Variants in GRIN2A observed in about 807,000 individuals in gnomAD.
GRIN2A encodes the protein glutamate receptor ionotropic, NMDA 2A.
Under a neutral mutation model 113.4 loss-of-function variants are expected in GRIN2A, and 22 were observed. That is an observed-to-expected ratio of 0.19 (90% CI 0.14 to 0.28). GRIN2A has a LOEUF of 0.28. Among genes scored for constraint, GRIN2A ranks in the 10% least tolerant of loss-of-function variants. The pLI, the probability that GRIN2A is intolerant of heterozygous loss-of-function variation, is 1.00. For missense variants in GRIN2A, 1,502 were observed against 1,887.0 expected (o/e 0.80, Z 3.78); for synonymous variants, 827 against 738.4 (o/e 1.12, Z -1.94).
intron 2 of GRIN2A, among the ~76,000 whole-genome samples, chr16:9,986,328 A>G (rs17569693): frequency 0.084 from 12,821 of 152,310 alleles, 635 homozygotes; most frequent in Non-Finnish European, 0.1. Context: ...CAAGCCAATC[A>G]TAAAAATATT....
At chr16:10,034,589 A>ACTT (rs2141936862) in intron 2 of GRIN2A, among the ~76,000 whole-genome samples, 1 of 147,510 alleles carries the variant, frequency 6.8e-6, no homozygotes, top group South Asian at 2.2e-4. Flanking sequence ...ATGGAGCCAC[A>ACTT]CTTTGAGAAG....
intron 2 of GRIN2A, among the ~76,000 whole-genome samples, chr16:10,072,145 T>C (rs2047765007): frequency 6.6e-6 from 1 of 152,184 alleles, no homozygotes; most frequent in Admixed American, 6.5e-5. Flanking sequence ...TCTTTCACCA[T>C]CGTGAGAGTG....
intron 2 of GRIN2A, among the ~76,000 whole-genome samples, chr16:10,122,972 T>A (rs554129386): frequency 6.6e-6 from 1 of 152,316 alleles, no homozygotes; most frequent in East Asian, 1.9e-4. Context: ...AGGATTCCGA[T>A]GTCTAAGAAA....
In GRIN2A at chr16:10,177,414, A is replaced by C. The variant is rs542647210; in HGVS notation, c.414+2584T>G. Among the ~76,000 whole-genome samples the C allele has an allele frequency of 2.0e-5, 3 of 152,194 alleles. No homozygotes were observed. In the East Asian group the frequency reaches 5.8e-4, roughly 29 times the overall value. ...CCTTGCCTCATCTCCCTACAGTTCCACCAGAATCACAGAGAGTGGCCAATG... is the reference window on the plus strand; with the variant it reads ...CCTTGCCTCATCTCCCTACAGTTCCCCCAGAATCACAGAGAGTGGCCAATG... On this transcript the variant is annotated intron_variant, in intron 2 of 12. Coordinates refer to ENST00000330684, the MANE Select transcript of GRIN2A (RefSeq NM_001134407.3).
chr16:10,159,902 T>C (rs2049777387), intron 2 of GRIN2A, among the ~76,000 whole-genome samples: 1 of 152,204 alleles, frequency 6.6e-6, no homozygotes, highest in Non-Finnish European at 1.5e-5. Flanking sequence ...TAAGAGCATT[T>C]AGCCCAACTT....
At chr16:9,997,714 G>A (rs1000434439) in intron 2 of GRIN2A, among the ~76,000 whole-genome samples, 4 of 152,196 alleles carry the variant, frequency 2.6e-5, no homozygotes, top group African/African-American at 7.2e-5. Context: ...CATGTCATGG[G>A]AGGGACCCAG....
intron 2 of GRIN2A, among the ~76,000 whole-genome samples, chr16:10,131,016 A>C (rs2049050539): frequency 6.6e-6 from 1 of 152,220 alleles, no homozygotes; most frequent in Admixed American, 6.5e-5. Context: ...AATGGAACTT[A>C]AGCTTCTGCA....
chr16:9,989,339 G>A (rs889322164), intron 2 of GRIN2A, among the ~76,000 whole-genome samples: 5 of 152,150 alleles, frequency 3.3e-5, no homozygotes, highest in African/African-American at 9.7e-5. Context: ...CTATCCATAT[G>A]CAAAAGGCTA....
At chr16:9,933,731 T>G (rs777064323) in intron 3 of GRIN2A, among the ~76,000 whole-genome samples, 164 of 152,300 alleles carry the variant, frequency 1.1e-3, no homozygotes, top group Non-Finnish European at 2.0e-3. Flanking sequence ...GAAAAATATC[T>G]TACTATAAAA....
At chr16:10,137,656 A>G (rs1456223107) in intron 2 of GRIN2A, among the ~76,000 whole-genome samples, 1 of 152,078 alleles carries the variant, frequency 6.6e-6, no homozygotes, top group Non-Finnish European at 1.5e-5. Flanking sequence ...CTCACGTGCC[A>G]TTTTTCTTCT....
intron 10 of GRIN2A, among the ~76,000 whole-genome samples, chr16:9,800,127 A>G (rs1809359095): frequency 6.6e-6 from 1 of 152,042 alleles, no homozygotes; most frequent in Non-Finnish European, 1.5e-5. Context: ...GGTGCCTGCC[A>G]CCACTCCCGG....
At chr16:9,955,453 C>T (rs1596359758) in intron 2 of GRIN2A, among the ~76,000 whole-genome samples, 1 of 152,194 alleles carries the variant, frequency 6.6e-6, no homozygotes, top group Non-Finnish European at 1.5e-5. Context: ...TTCCGCTCTT[C>T]CATGCTCTTT....
At chr16:9,809,048 C>G (rs758254152) in intron 10 of GRIN2A, among the ~76,000 whole-genome samples, 1 of 152,124 alleles carries the variant, frequency 6.6e-6, no homozygotes. Context: ...TCACTGAAAA[C>G]CAAACTGTGA....
intron 2 of GRIN2A, among the ~76,000 whole-genome samples, chr16:9,990,541 C>T (rs2046083395): frequency 7.3e-6 from 1 of 136,594 alleles, no homozygotes; most frequent in Non-Finnish European, 1.6e-5. Flanking sequence ...ATCTCTCTCT[C>T]TACACGCGCG....
chr16:10,105,513 G>T lies in GRIN2A; in HGVS notation c.414+74485C>A, dbSNP rs192650629. 3.3e-5 allele frequency among the ~76,000 whole-genome samples: 5 copies of T among 152,086 alleles called. No individual in the cohort carries two copies. In the East Asian group the frequency reaches 9.7e-4, roughly 29 times the overall value. Reference sequence around the variant, plus strand: ...ATGTAAAAAAAAAAAATCAATGGGGGAGGGGGTGTTTAAATGCATTTGAGA... The same window carrying T: ...ATGTAAAAAAAAAAAATCAATGGGGTAGGGGGTGTTTAAATGCATTTGAGA... On this transcript the variant is annotated intron_variant, in intron 2 of 12. Transcript: ENST00000330684.
At chr16:9,800,801 A>G (rs1903313913) in intron 10 of GRIN2A, among the ~76,000 whole-genome samples, 1 of 152,188 alleles carries the variant, frequency 6.6e-6, no homozygotes, top group African/African-American at 2.4e-5. Flanking sequence ...TAGAGCTGTC[A>G]TACGTAACCT....
At chr16:10,016,436 C>CT (rs1267049323) in intron 2 of GRIN2A, among the ~76,000 whole-genome samples, 1 of 152,058 alleles carries the variant, frequency 6.6e-6, no homozygotes, top group Admixed American at 6.5e-5. Context: ...GGACTATTGC[C>CT]CCACAGATTC....
chr16:9,811,255 G>T (rs938383284), intron 10 of GRIN2A, among the ~76,000 whole-genome samples: 3 of 152,038 alleles, frequency 2.0e-5, no homozygotes, highest in Admixed American at 6.5e-5. Context: ...CAGAGGGTTA[G>T]CACAACATCA....
At chr16:9,951,305 C>T (rs371211652) in intron 2 of GRIN2A, among the ~76,000 whole-genome samples, 25 of 152,314 alleles carry the variant, frequency 1.6e-4, no homozygotes, top group African/African-American at 5.5e-4. Flanking sequence ...CAATACAGAG[C>T]ATCCTTTAAC....
Sources: gnomAD v4.1 joint callset for allele counts (sites outside exome capture counted in the v4.1 genomes callset) on GRCh38, gnomAD v4.1.1 for gene constraint, MANE v1.5 for transcripts, NCBI Gene and HGNC (gene_info 2026-07-23, HGNC 2026-07-21) for gene names.